Variants in LCORL observed in about 807,000 individuals in gnomAD.
LCORL encodes the protein ligand-dependent nuclear receptor corepressor-like protein.
A neutral mutation model predicts 141.8 loss-of-function variants in LCORL; 41 were observed. The observed-to-expected ratio is 0.29, with a 90% CI of 0.23 to 0.38. LCORL has a LOEUF of 0.38. Ranked by LOEUF, LCORL falls within the 10% of genes least tolerant of loss-of-function variation. The probability of loss-of-function intolerance (pLI) is 1.00; values close to 1 mark genes in which losing one functional copy is unlikely to be tolerated. For synonymous variants in LCORL, 618 were observed against 694.1 expected, an observed-to-expected ratio of 0.89 and a Z score of 1.72; for missense variants, 1,759 against 2,035.0, an observed-to-expected ratio of 0.86 and a Z score of 2.61.
intron 4 of LCORL, among the ~76,000 whole-genome samples, chr4:17,920,484 G>A (rs1024461998): frequency 6.6e-6 from 1 of 152,208 alleles, no homozygotes; most frequent in African/African-American, 2.4e-5. Context: ...TGCTCAGGGT[G>A]ATGGCTGCTG....
chr4:17,968,252 TTA>T (rs1715301584), intron 2 of LCORL, among the ~76,000 whole-genome samples: 1 of 152,212 alleles, frequency 6.6e-6, no homozygotes, highest in African/African-American at 2.4e-5. Context: ...TTGCACCAAC[TTA>T]AACATACATA....
At chr4:17,910,276 C>T (rs1431674817) in intron 4 of LCORL, among the ~76,000 whole-genome samples, 3 of 152,206 alleles carry the variant, frequency 2.0e-5, no homozygotes, top group Non-Finnish European at 4.4e-5. Context: ...GGGGTGGTGG[C>T]TTTTACACAC....
chr4:17,883,657 C>A, intron 6 of LCORL: 1 of 1,437,500 alleles, frequency 7.0e-7, no homozygotes, highest in Non-Finnish European at 9.1e-7. Flanking sequence ...CACCTGTGCA[C>A]ATACACACAC....
chr4:17,854,148 T>C (rs552745441), intron 7 of LCORL, among the ~76,000 whole-genome samples: 7 of 152,094 alleles, frequency 4.6e-5, no homozygotes, highest in Admixed American at 6.6e-5. Flanking sequence ...TTTGTAGAGC[T>C]CGAGTTCTGA....
chr4:17,978,763 C>T (rs1274735917), intron 1 of LCORL, among the ~76,000 whole-genome samples: 5 of 152,064 alleles, frequency 3.3e-5, no homozygotes, highest in Admixed American at 6.6e-5. Context: ...CCTACACACA[C>T]GAACTGGTTT....
At chr4:17,881,662 T>C (rs918290170) in intron 6 of LCORL, 55 of 958,076 alleles carry the variant, frequency 5.7e-5, no homozygotes, top group Non-Finnish European at 6.5e-5. Flanking sequence ...TCTGTAAGTT[T>C]CCCTTTACTA....
At chr4:17,893,379 T>C in intron 5 of LCORL, 1 of 919,960 alleles carries the variant, frequency 1.1e-6, no homozygotes, top group East Asian at 1.1e-4. Flanking sequence ...AGTAAATGAA[T>C]TTAAGTATTA....
intron 1 of LCORL, among the ~76,000 whole-genome samples, chr4:17,986,142 T>C (rs1358645173): frequency 6.6e-6 from 1 of 152,238 alleles, no homozygotes; most frequent in African/African-American, 2.4e-5. Flanking sequence ...ATTAGCCTGA[T>C]AGGGTTCCCT....
At chr4:17,843,564 G>T in exon 8 of LCORL, 1 of 930,890 alleles carries the variant, frequency 1.1e-6, no homozygotes. Context: ...CGTTACTTTG[G>T]CCTGTATTAA....
exon 7 of LCORL, chr4:17,876,201 T>C (rs1017166731): frequency 5.6e-5 from 69 of 1,230,932 alleles, no homozygotes; most frequent in Non-Finnish European, 6.2e-5. Context: ...GCGACCCATA[T>C]CTAAAATAGA....
intron 5 of LCORL, among the ~76,000 whole-genome samples, chr4:17,899,804 G>A (rs1577364010): frequency 6.6e-6 from 1 of 152,114 alleles, no homozygotes; most frequent in Non-Finnish European, 1.5e-5. Context: ...TATCATATGA[G>A]TACTTAACAT....
At chr4:17,851,824 AC>A (rs578145402) in intron 7 of LCORL, among the ~76,000 whole-genome samples, 1 of 152,198 alleles carries the variant, frequency 6.6e-6, no homozygotes, top group Non-Finnish European at 1.5e-5. Context: ...TCTTACTCTA[AC>A]CAATAATGTA....
intron 2 of LCORL, among the ~76,000 whole-genome samples, chr4:17,968,792 T>TG (rs1274381857): frequency 6.6e-6 from 1 of 152,202 alleles, no homozygotes; most frequent in Non-Finnish European, 1.5e-5. Context: ...TTTCATGAAA[T>TG]GTTAACTTTT....
At chr4:17,945,881 T>C (rs771599195) in intron 4 of LCORL, among the ~76,000 whole-genome samples, 59 of 151,980 alleles carry the variant, frequency 3.9e-4, no homozygotes, top group Non-Finnish European at 6.9e-4. Context: ...GCCTGCTGTT[T>C]TTATGACAGA....
intron 1 of LCORL, among the ~76,000 whole-genome samples, chr4:17,994,125 T>C (rs1055569993): frequency 6.6e-6 from 1 of 152,156 alleles, no homozygotes; most frequent in Admixed American, 6.5e-5. Flanking sequence ...AGAAGATCAG[T>C]ATGCAGGTGG....
rs1725126719 is a variant in LCORL, at chr4:17,862,475, C to T, written c.5602+10913G>A. Among the ~76,000 whole-genome samples the T allele has an allele frequency of 2.0e-5, 3 of 152,124 alleles. No individual in the cohort carries two copies. In the South Asian group the frequency reaches 6.2e-4, roughly 32 times the overall value. On this transcript the variant is annotated intron_variant, in intron 7 of 7. Coordinates refer to ENST00000635767, the Ensembl canonical transcript of LCORL. ...AAATTTGAGTGGGGACAAAGCCAAACCATATCAGCTACAGTAACCAAAACA... is the reference window on the plus strand; with the variant it reads ...AAATTTGAGTGGGGACAAAGCCAAATCATATCAGCTACAGTAACCAAAACA...
At chr4:17,963,303 A>C (rs16896157) in intron 2 of LCORL, among the ~76,000 whole-genome samples, 1 of 152,092 alleles carries the variant, frequency 6.6e-6, no homozygotes, top group South Asian at 2.1e-4. Flanking sequence ...TTTTCCAACA[A>C]TAGGGTTTTA....
intron 4 of LCORL, among the ~76,000 whole-genome samples, chr4:17,941,852 AT>A (rs10716443): frequency 0.59 from 85,420 of 145,130 alleles, 24,480 homozygotes; most frequent in Middle Eastern, 0.66. Flanking sequence ...CCATGATAGA[AT>A]TTTTTTTTTT....
At chr4:17,962,173 A>G (rs1450730550) in intron 3 of LCORL, 141 bp from the exon 4 acceptor site, 6 of 459,070 alleles carry the variant, frequency 1.3e-5, no homozygotes, top group Non-Finnish European at 2.2e-5. Context: ...TAGAGGGAAC[A>G]TAAAATTCAG....
Sources: allele counts gnomAD v4.1 joint callset (sites outside exome capture counted in the v4.1 genomes callset), GRCh38; gene constraint gnomAD v4.1.1; transcripts MANE v1.5; gene names NCBI Gene and HGNC (gene_info 2026-07-23, HGNC 2026-07-21).